Variants in DGKB observed in about 807,000 individuals in gnomAD.
DGKB encodes diacylglycerol kinase beta.
A neutral mutation model predicts 114.3 loss-of-function variants in DGKB; 67 were observed. The ratio of observed to expected loss-of-function variants is 0.59; its 90% CI spans 0.48 to 0.72. The LOEUF is 0.72. Among genes scored for constraint, DGKB ranks in the 30% least tolerant of loss-of-function variants. The pLI is 0.00. For synonymous variants in DGKB, 398 were observed against 323.1 expected, an observed-to-expected ratio of 1.23 and a Z score of -2.49; for missense variants, 907 against 975.2, an observed-to-expected ratio of 0.93 and a Z score of 0.93.
chr7:14,725,035 G>T (rs1183719477), intron 5 of DGKB, among the ~76,000 whole-genome samples: 2 of 152,086 alleles, frequency 1.3e-5, no homozygotes, highest in Non-Finnish European at 1.5e-5. Flanking sequence ...ACCCATTTGG[G>T]GTGGCATGCA....
intron 1 of DGKB, among the ~76,000 whole-genome samples, chr7:14,948,471 A>G (rs1182834078): frequency 6.6e-6 from 1 of 151,864 alleles, no homozygotes; most frequent in African/African-American, 2.4e-5. Context: ...ACAAGGCAAG[A>G]AAAATATAAA....
chr7:14,929,511 T>C (rs904103269), intron 1 of DGKB, among the ~76,000 whole-genome samples: 1 of 152,204 alleles, frequency 6.6e-6, no homozygotes, highest in Non-Finnish European at 1.5e-5. Flanking sequence ...GTTGGCCATT[T>C]GTATGCCTTC....
chr7:14,924,852 TA>T (rs973856000), intron 1 of DGKB, among the ~76,000 whole-genome samples: 2 of 152,142 alleles, frequency 1.3e-5, no homozygotes, highest in Non-Finnish European at 2.9e-5. Flanking sequence ...ACAATTTTAT[TA>T]CATTTATATA....
intron 21 of DGKB, among the ~76,000 whole-genome samples, chr7:14,420,956 C>A (rs1826573680): frequency 6.6e-6 from 1 of 152,086 alleles, no homozygotes; most frequent in African/African-American, 2.4e-5. Flanking sequence ...ACCCCCACCC[C>A]CTTCCACTGC....
chr7:14,292,285 G>A (rs1801890314), intron 23 of DGKB, among the ~76,000 whole-genome samples: 1 of 151,988 alleles, frequency 6.6e-6, no homozygotes, highest in Admixed American at 6.6e-5. Context: ...CCTTCCTACG[G>A]GGTCTTCTCT....
intron 21 of DGKB, among the ~76,000 whole-genome samples, chr7:14,440,135 G>A (rs926085164): frequency 1.1e-4 from 16 of 152,118 alleles, no homozygotes; most frequent in Admixed American, 9.2e-4. Context: ...TGGGTAGAAA[G>A]AGCAGGGAGG....
At chr7:14,909,157 C>G (rs573337349) in intron 1 of DGKB, among the ~76,000 whole-genome samples, 1 of 152,130 alleles carries the variant, frequency 6.6e-6, no homozygotes, top group Non-Finnish European at 1.5e-5. Context: ...CTGCATCCAA[C>G]TTGAAGAATT....
intron 21 of DGKB, among the ~76,000 whole-genome samples, chr7:14,386,346 C>T (rs1820337100): frequency 6.6e-6 from 1 of 152,180 alleles, no homozygotes; most frequent in Admixed American, 6.5e-5. Flanking sequence ...GCAAATATCT[C>T]CATTTAAATT....
intron 23 of DGKB, among the ~76,000 whole-genome samples, chr7:14,249,464 G>C (rs1794926438): frequency 6.6e-6 from 1 of 152,104 alleles, no homozygotes; most frequent in African/African-American, 2.4e-5. Flanking sequence ...GAAGCCATCA[G>C]TTCCTAGACT....
intron 23 of DGKB, among the ~76,000 whole-genome samples, chr7:14,336,049 C>T (rs1039666666): frequency 8.5e-5 from 13 of 152,088 alleles, no homozygotes; most frequent in Non-Finnish European, 1.6e-4. Context: ...TGCCCTATTG[C>T]TGTTTTTATG....
chr7:14,250,134 T>TATA (rs1562740522), intron 23 of DGKB, among the ~76,000 whole-genome samples: 2 of 48,014 alleles, frequency 4.2e-5, no homozygotes, highest in East Asian at 5.2e-4. Context: ...ATATATATAT[T>TATA]TTTTTTTTTT....
intron 23 of DGKB, among the ~76,000 whole-genome samples, chr7:14,183,768 A>G (rs1230067413): frequency 1.3e-5 from 2 of 152,220 alleles, no homozygotes; most frequent in Non-Finnish European, 2.9e-5. Context: ...CTAACCAATT[A>G]AATGTTAACA....
chr7:14,959,030 G>A (rs770025022), intron 1 of DGKB, among the ~76,000 whole-genome samples: 4 of 152,014 alleles, frequency 2.6e-5, no homozygotes, highest in African/African-American at 4.8e-5. Context: ...GACTGATATT[G>A]ATTTGGTGTT....
chr7:14,154,289 G>GTACT (rs1422211989), intron 25 of DGKB, among the ~76,000 whole-genome samples: 4 of 150,582 alleles, frequency 2.7e-5, no homozygotes, highest in Non-Finnish European at 5.9e-5. Context: ...TCGTGGGTTA[G>GTACT]TACTTGGTTC....
At chr7:14,557,734 T>C (rs1425623170) in intron 20 of DGKB, among the ~76,000 whole-genome samples, 1 of 151,902 alleles carries the variant, frequency 6.6e-6, no homozygotes, top group Admixed American at 6.6e-5. Flanking sequence ...TAAAAAAAAA[T>C]TTAAATGATG....
intron 1 of DGKB, among the ~76,000 whole-genome samples, chr7:14,916,564 T>G (rs772105130): frequency 6.6e-6 from 1 of 152,108 alleles, no homozygotes; most frequent in Non-Finnish European, 1.5e-5. Context: ...AGGCATTACA[T>G]AAGGATGAAG....
intron 25 of DGKB, among the ~76,000 whole-genome samples, chr7:14,150,174 CTG>C (rs933279918): frequency 5.3e-5 from 8 of 152,100 alleles, no homozygotes; most frequent in Middle Eastern, 3.2e-3. Context: ...CAAAAGCAAT[CTG>C]AGACATTTTC....
At chr7:14,715,639 G>T (rs1403466784) in intron 6 of DGKB, among the ~76,000 whole-genome samples, 1 of 152,210 alleles carries the variant, frequency 6.6e-6, no homozygotes, top group African/African-American at 2.4e-5. Flanking sequence ...GAAGAATTAG[G>T]ATTGCATAAA....
intron 2 of DGKB, among the ~76,000 whole-genome samples, chr7:14,823,093 T>C (rs1845174902): frequency 6.6e-6 from 1 of 151,380 alleles, no homozygotes; most frequent in Admixed American, 6.6e-5. Context: ...TTACAAAGAG[T>C]CTCAGATATC....
Sources: gnomAD v4.1 joint callset for allele counts (sites outside exome capture counted in the v4.1 genomes callset) on GRCh38, gnomAD v4.1.1 for gene constraint, MANE v1.5 for transcripts, NCBI Gene and HGNC (gene_info 2026-07-23, HGNC 2026-07-21) for gene names.